The following ERMP1 variants were observed in gnomAD, a reference collection of about 807,000 sequenced individuals.
ERMP1 encodes the protein endoplasmic reticulum metallopeptidase 1.
ERMP1 carries 86 observed loss-of-function variants against 92.0 expected under a neutral mutation model. The ratio of observed to expected loss-of-function variants is 0.93; its 90% CI spans 0.79 to 1.12. ERMP1 has a LOEUF of 1.12. ERMP1 is among the 50% of genes most tolerant of loss of function. The pLI is 0.00. For missense variants in ERMP1, 1,342 were observed against 1,116.3 expected, an observed-to-expected ratio of 1.20 and a Z score of -2.88; for synonymous variants, 530 against 412.8, an observed-to-expected ratio of 1.28 and a Z score of -3.44.
intron 3 of ERMP1, among the ~76,000 whole-genome samples, chr9:5,824,254 T>C (rs923176970): frequency 1.3e-5 from 2 of 152,116 alleles, no homozygotes; most frequent in East Asian, 1.9e-4. Context: ...ACAACATCCC[T>C]GGTAAGTACA....
At chr9:5,841,387 A>T (rs1830161082) in intron 6 of ERMP1, among the ~76,000 whole-genome samples, 1 of 152,266 alleles carries the variant, frequency 6.6e-6, no homozygotes, top group African/African-American at 2.4e-5. Flanking sequence ...CATTTAAAAT[A>T]TCCAGAATAG....
chr9:5,796,632 C>T (rs1428675123), intron 13 of ERMP1, among the ~76,000 whole-genome samples: 1 of 152,128 alleles, frequency 6.6e-6, no homozygotes, highest in Non-Finnish European at 1.5e-5. Context: ...TCGAAAAAGG[C>T]TACATACTCT....
At chr9:5,850,551 T>G (rs1021976668) in intron 6 of ERMP1, among the ~76,000 whole-genome samples, 3 of 151,830 alleles carry the variant, frequency 2.0e-5, no homozygotes, top group Non-Finnish European at 2.9e-5. Flanking sequence ...GACTCTGAGA[T>G]ACCGTGAAGT....
At chr9:5,805,251 G>A in intron 9 of ERMP1, 34 bp from the exon 10 acceptor site, 2 of 1,517,400 alleles carry the variant, frequency 1.3e-6, no homozygotes, top group Non-Finnish European at 1.8e-6. Context: ...ACACATCTAT[G>A]AAATCCTCCA....
chr9:5,861,437 G>C (rs1339067302), intron 5 of ERMP1, among the ~76,000 whole-genome samples: 4 of 151,880 alleles, frequency 2.6e-5, no homozygotes, highest in Non-Finnish European at 5.9e-5. Context: ...ATTTTATTGA[G>C]GTATTCAGTA....
At chr9:5,815,306 A>T (rs1234044333) in intron 4 of ERMP1, among the ~76,000 whole-genome samples, 1 of 152,184 alleles carries the variant, frequency 6.6e-6, no homozygotes, top group Non-Finnish European at 1.5e-5. Flanking sequence ...GGGACTAGCA[A>T]AGTACAAGGT....
At chr9:5,822,742 A>C (rs1829586810) in intron 4 of ERMP1, among the ~76,000 whole-genome samples, 1 of 152,230 alleles carries the variant, frequency 6.6e-6, no homozygotes, top group South Asian at 2.1e-4. Context: ...TTCCAATGTC[A>C]AATTTTAGTA....
intron 1 of ERMP1, among the ~76,000 whole-genome samples, chr9:5,831,504 A>C (rs1022973405): frequency 6.6e-6 from 1 of 152,150 alleles, no homozygotes; most frequent in African/African-American, 2.4e-5. Context: ...GCTACTCAAG[A>C]GGCTGAGGTG....
At chr9:5,848,820 C>T (rs962066398) in intron 6 of ERMP1, among the ~76,000 whole-genome samples, 1 of 152,088 alleles carries the variant, frequency 6.6e-6, no homozygotes, top group Non-Finnish European at 1.5e-5. Flanking sequence ...AGTTGAATAT[C>T]ACCTTTCTAA....
At chr9:5,828,780 G>A (rs577169238) in intron 2 of ERMP1, among the ~76,000 whole-genome samples, 2 of 152,124 alleles carry the variant, frequency 1.3e-5, no homozygotes, top group African/African-American at 4.8e-5. Flanking sequence ...GAAGGGTAGA[G>A]GGGAAACTTT....
chr9:5,861,246 G>A (rs1286291956), intron 5 of ERMP1, among the ~76,000 whole-genome samples: 1 of 105,546 alleles, frequency 9.5e-6, no homozygotes, highest in African/African-American at 2.6e-5. Context: ...GTAAAGTACT[G>A]GAGAGGGAAA....
At chr9:5,828,722 C>G (rs140362352) in intron 2 of ERMP1, among the ~76,000 whole-genome samples, 86 of 152,266 alleles carry the variant, frequency 5.6e-4, no homozygotes, top group African/African-American at 2.1e-3. Context: ...TGGTTTTTCT[C>G]TTTTTAACCT....
In ERMP1 at chr9:5,830,979, G is replaced by T; in HGVS notation, c.388C>A (p.Pro130Thr). ...TSIGPRTTGS[P>T]ENEILTVHYL... The stretch of plus-strand genomic sequence containing the variant: ...TGCACGGTCAGAATTTCATTTTCTG[G>T]ACTTCCTGTAGTCCTGGGGCCAATG... The change falls in exon 2 of 15, where the codon CCA (proline) becomes ACA (threonine). Residue 130 changes from proline to threonine, a missense_variant. Coordinates refer to ENST00000339450, the MANE Select transcript of ERMP1 (RefSeq NM_024896.3). 2 of 1,614,072 alleles carry T rather than the reference G, an allele frequency of 1.2e-6. No homozygotes were observed. Among genetic ancestry groups the T allele is most frequent in the South Asian group, 2.2e-5 (2 of 91,070 alleles).
intron 4 of ERMP1, among the ~76,000 whole-genome samples, chr9:5,815,506 A>G (rs1829268706): frequency 6.6e-6 from 1 of 151,558 alleles, no homozygotes; most frequent in African/African-American, 2.4e-5. Flanking sequence ...AAAAAAAAAA[A>G]AAAAAAAGGA....
intron 4 of ERMP1, among the ~76,000 whole-genome samples, chr9:5,815,097 G>C (rs763008762): frequency 3.9e-5 from 6 of 152,080 alleles, no homozygotes; most frequent in African/African-American, 4.8e-5. Context: ...AGATAGAATG[G>C]AGAAGATAAA....
intron 13 of ERMP1, among the ~76,000 whole-genome samples, chr9:5,789,329 A>C (rs1028762103): frequency 2.6e-5 from 4 of 152,240 alleles, no homozygotes; most frequent in African/African-American, 7.2e-5. Flanking sequence ...CCCCAAAAAC[A>C]ATATATAAAA....
rs773002741 is a variant in ERMP1 at position 5,787,420 on chromosome 9, A to C, written c.2550+10T>G. 6.2e-7 allele frequency: 1 copy of C among 1,611,200 alleles called. No individual in the cohort carries two copies. The highest frequency in any genetic ancestry group is 8.5e-7 in the Non-Finnish European group (1 of 1,178,936). On this transcript the variant is annotated intron_variant, in intron 14 of 14. Transcript: ENST00000339450. Reference sequence around the variant, plus strand: ...AATCAATGAAACAAACAATGCTGGGAAATTGGCACCTGCACTTCTATCCAG... The same window carrying C: ...AATCAATGAAACAAACAATGCTGGGCAATTGGCACCTGCACTTCTATCCAG...
intron 6 of ERMP1, among the ~76,000 whole-genome samples, chr9:5,841,208 C>G (rs529573596): frequency 6.6e-6 from 1 of 152,258 alleles, no homozygotes; most frequent in East Asian, 1.9e-4. Flanking sequence ...CCAGAAGTAC[C>G]AAGAATAGGT....
Position 5,786,255 on chromosome 9 carries a change from C to G in ERMP1, c.*889G>C, listed in dbSNP as rs1002821158. Reference sequence around the variant, plus strand: ...AAAGAGAATAAATATTTATAAAATTCCCACCACTCCCAGCCTTCCTTCTAC... The same window carrying G: ...AAAGAGAATAAATATTTATAAAATTGCCACCACTCCCAGCCTTCCTTCTAC... On this transcript the variant is annotated 3_prime_UTR_variant, in exon 15 of 15. Transcript: ENST00000339450. 2.6e-4 allele frequency: 39 copies of G among 152,190 alleles called. No homozygotes were observed. The highest frequency in any genetic ancestry group is 7.5e-4 in the African/African-American group (31 of 41,410). The allele number at this position is 152,190 out of a possible 1,614,324, so 9.4% of individuals were successfully genotyped here.
Sources: allele counts gnomAD v4.1 joint callset (sites outside exome capture counted in the v4.1 genomes callset), GRCh38; gene constraint gnomAD v4.1.1; transcripts MANE v1.5; gene names NCBI Gene and HGNC (gene_info 2026-07-23, HGNC 2026-07-21).